The following INPP5F variants were observed in gnomAD, a reference collection of about 807,000 sequenced individuals.
The protein encoded by INPP5F is inositol polyphosphate-5-phosphatase F.
In INPP5F, 97 loss-of-function variants were observed where a neutral mutation model predicts 137.2. The observed-to-expected ratio is 0.71, with a 90% CI of 0.60 to 0.84. INPP5F has a LOEUF of 0.84. Among genes scored for constraint, INPP5F ranks in the 40% least tolerant of loss-of-function variants. INPP5F has a pLI of 0.00. For missense variants in INPP5F, 1,271 were observed against 1,371.9 expected (o/e 0.93, Z 1.16); for synonymous variants, 504 against 476.9 (o/e 1.06, Z -0.74).
rs1195495105 is a variant in INPP5F at position 119,826,728 on chromosome 10, TC to T, written c.2348del (p.Ser783PhefsTer2). The T allele has an allele frequency of 5.0e-6, 8 of 1,613,340 alleles. No homozygotes were observed. The highest frequency in any genetic ancestry group is 1.3e-5 in the African/African-American group (1 of 74,878). On this transcript the variant is annotated frameshift_variant, in exon 20 of 20. Coordinates refer to ENST00000650623, the MANE Select transcript of INPP5F (RefSeq NM_014937.4). LOFTEE classifies it high-confidence loss of function. ...GAATTTTTTAATGAGCAAATTTTCA[TC>T]TCTAAATCAAAAAGTGAAGCAGACC... ...GKNFLMSKFSSLNQKVKQTKS... is the reference protein window; with the variant it reads ...GKNFLMSKFSXLNQKVKQTKS...
At chr10:119,742,312 G>T in intron 1 of INPP5F, among the ~76,000 whole-genome samples, 1 of 151,992 alleles carries the variant, frequency 6.6e-6, no homozygotes, top group Middle Eastern at 3.2e-3. Context: ...TCGCCACCAT[G>T]CCTGGTTAAT....
At chr10:119,746,236 G>C (rs950710986) in intron 1 of INPP5F, among the ~76,000 whole-genome samples, 3 of 152,170 alleles carry the variant, frequency 2.0e-5, no homozygotes, top group Non-Finnish European at 4.4e-5. Context: ...TTTGTCTGCT[G>C]TATTATTTTT....
intron 12 of INPP5F, among the ~76,000 whole-genome samples, chr10:119,806,719 A>T (rs886810002): frequency 2.6e-5 from 4 of 151,926 alleles, no homozygotes; most frequent in Non-Finnish European, 5.9e-5. Context: ...TTTAAAGTCC[A>T]TTGGGTGGCA....
intron 2 of INPP5F, among the ~76,000 whole-genome samples, chr10:119,774,224 TGTACTCCA>T (rs1849448387): frequency 3.6e-5 from 5 of 137,178 alleles, no homozygotes; most frequent in African/African-American, 1.4e-4. Flanking sequence ...ATCACGCCAC[TGTACTCCA>T]GCCTGGCGAC....
intron 1 of INPP5F, among the ~76,000 whole-genome samples, chr10:119,733,073 CA>C (rs1848129170): frequency 1.3e-5 from 2 of 152,202 alleles, no homozygotes; most frequent in Admixed American, 6.5e-5. Context: ...TTCTTGACTA[CA>C]AAGTGATAGG....
In INPP5F at chr10:119,748,035, C is replaced by T. The variant is rs564811473; in HGVS notation, c.98-3041C>T. On this transcript the variant is annotated intron_variant, in intron 1 of 19. Coordinates refer to ENST00000650623, the MANE Select transcript of INPP5F (RefSeq NM_014937.4). This position sits in a 1 kb window ranked among gnomAD's most constrained non-coding sequence, Gnocchi z 4.7. Reference sequence around the variant, plus strand: ...CTGGGCTTTTTCCACTGTCTTGGCTCGGCAAGCTGTGCTGGGCTTGCACTA... The same window carrying T: ...CTGGGCTTTTTCCACTGTCTTGGCTTGGCAAGCTGTGCTGGGCTTGCACTA... 2.6e-4 allele frequency among the ~76,000 whole-genome samples: 39 copies of T among 152,312 alleles called. No individual in the cohort carries two copies. The highest frequency in any genetic ancestry group is 8.2e-4 in the African/African-American group (34 of 41,562).
In INPP5F at chr10:119,748,945, A is replaced by G. The variant is rs1848616370; in HGVS notation, c.98-2131A>G. The stretch of plus-strand genomic sequence containing the variant: ...TGGGCTGAGGGGTGCCTGCAGGCCC[A>G]CTTGGAGCTGCCCTCACCCCTGCTG... On this transcript the variant is annotated intron_variant, in intron 1 of 19. Transcript: ENST00000650623. The surrounding 1 kb of genome is among the most constrained non-coding windows in gnomAD (Gnocchi z 4.7). Among the ~76,000 whole-genome samples, 1 of 152,114 alleles carries G rather than the reference A, an allele frequency of 6.6e-6. No individual in the cohort carries two copies. Among genetic ancestry groups the G allele is most frequent in the Non-Finnish European group, 1.5e-5 (1 of 67,988 alleles).
At chr10:119,781,846 G>T in intron 3 of INPP5F, 75 bp downstream of exon 3, 2 of 1,212,874 alleles carry the variant, frequency 1.6e-6, no homozygotes, top group South Asian at 1.7e-5. Flanking sequence ...TGGTTCAGTA[G>T]ACCAGAAACT....
chr10:119,806,934 C>T (rs1245275812), intron 12 of INPP5F, among the ~76,000 whole-genome samples: 1 of 151,630 alleles, frequency 6.6e-6, no homozygotes, highest in Non-Finnish European at 1.5e-5. Context: ...TCATGGGCTT[C>T]CTTGAGTGCC....
intron 2 of INPP5F, among the ~76,000 whole-genome samples, chr10:119,767,689 G>T (rs1001281516): frequency 6.6e-6 from 1 of 152,192 alleles, no homozygotes; most frequent in Non-Finnish European, 1.5e-5. Context: ...ATGCCTTAGA[G>T]ATATGAATAC....
rs368526137 is a variant in INPP5F, at chr10:119,754,933, T to C, written c.178+3777T>C. The stretch of plus-strand genomic sequence containing the variant: ...CATTTTCCCCAGGAACATCTTATCT[T>C]TGGAGGATAGGGGATGAGGGGAATA... On this transcript the variant is annotated intron_variant, in intron 2 of 19. Transcript: ENST00000650623. Among the ~76,000 whole-genome samples the C allele has an allele frequency of 2.3e-3, 356 of 152,320 alleles. 15 individuals carry two copies. The South Asian group carries it at 0.071, about 30-fold the overall frequency.
chr10:119,826,607 CTT>C, intron 19 of INPP5F, 22 bp from the exon 20 acceptor site: 2 of 1,531,860 alleles, frequency 1.3e-6, no homozygotes, highest in Non-Finnish European at 1.8e-6. Context: ...GGGGAATTAA[CTT>C]TTTTTCTCTT....
At position 119,821,702 on chromosome 10, in the gene INPP5F, C is replaced by T. The variant is rs188197728; in HGVS notation, c.1959-729C>T. Reference sequence around the variant, plus strand: ...GTTTCTCTTTCTGTCTTTCTCCCTCCTCTCTCTCTCTCCCTCCCTTCATCT... The same window carrying T: ...GTTTCTCTTTCTGTCTTTCTCCCTCTTCTCTCTCTCTCCCTCCCTTCATCT... On this transcript the variant is annotated intron_variant, in intron 16 of 19. Coordinates refer to ENST00000650623, the MANE Select transcript of INPP5F (RefSeq NM_014937.4). Among the ~76,000 whole-genome samples, 291 of 149,020 alleles carry T rather than the reference C, an allele frequency of 2.0e-3. 1 individual carries two copies. Among genetic ancestry groups the T allele is most frequent in the African/African-American group, 7.0e-3 (279 of 39,772 alleles).
At position 119,827,514 on chromosome 10, in the gene INPP5F, A is replaced by G; in HGVS notation, c.3133A>G (p.Ser1045Gly). Residue 1045 changes from serine to glycine, a missense_variant, in exon 20 of 20, where the codon AGC becomes GGC. This residue lies in a region of INPP5F where 490 missense variants were observed against 443.7 expected (regional missense o/e 1.10). Transcript: ENST00000650623. ...ASQKTPTSAS[S>G]MLELETGLHV... Reference sequence around the variant, plus strand: ...TCAAAAAACCCCCACCTCCGCTTCCAGCATGCTTGAACTTGAGACAGGGCT... The same window carrying G: ...TCAAAAAACCCCCACCTCCGCTTCCGGCATGCTTGAACTTGAGACAGGGCT... The G allele has an allele frequency of 6.2e-7, 1 of 1,614,164 alleles. No individual in the cohort carries two copies. The highest frequency in any genetic ancestry group is 8.5e-7 in the Non-Finnish European group (1 of 1,180,006).
chr10:119,726,221 G>T lies in INPP5F; in HGVS notation c.-42G>T. On this transcript the variant is annotated 5_prime_UTR_variant, in exon 1 of 20. Transcript: ENST00000650623. ...CTCGACCGACTAGGACGCCCCGTGC[G>T]CCGCCCGCGGGCCGCCGCCTCCCTG... is the stretch of plus-strand genomic sequence containing the variant. 1 of 1,337,150 alleles carries T rather than the reference G, an allele frequency of 7.5e-7. No individual in the cohort carries two copies. Among genetic ancestry groups the T allele is most frequent in the Non-Finnish European group, 9.8e-7 (1 of 1,018,602 alleles). 82.8% of individuals were successfully genotyped at this position (1,337,150 alleles called of 1,614,324 possible).
chr10:119,777,609 C>A (rs1849568686), intron 2 of INPP5F, among the ~76,000 whole-genome samples: 1 of 152,116 alleles, frequency 6.6e-6, no homozygotes, highest in Non-Finnish European at 1.5e-5. Flanking sequence ...TCTTTTTATT[C>A]AACAAAATTT....
At chr10:119,764,352 C>G (rs1849092356) in intron 2 of INPP5F, among the ~76,000 whole-genome samples, 1 of 152,088 alleles carries the variant, frequency 6.6e-6, no homozygotes, top group Non-Finnish European at 1.5e-5. Flanking sequence ...TGCACACACA[C>G]ACACACACAA....
rs750443356 is a variant in INPP5F, at chr10:119,820,826, C to T, written c.1887-20C>T. On this transcript the variant is annotated intron_variant, in intron 15 of 19. Coordinates refer to ENST00000650623, the MANE Select transcript of INPP5F (RefSeq NM_014937.4). ...AGATGGAAATGAAAATACTTAATCT[C>T]CTGTGTCATATTTGTTTAGCCTCAT... 2 of 1,570,942 alleles carry T rather than the reference C, an allele frequency of 1.3e-6. No homozygotes were observed. The highest frequency in any genetic ancestry group is 2.2e-5 in the East Asian group (1 of 44,642).
In INPP5F at chr10:119,781,654, T is replaced by G. The variant is rs747737071; in HGVS notation, c.198T>G (p.Ile66Met). 1 of 1,611,218 alleles carries G rather than the reference T, an allele frequency of 6.2e-7. No homozygotes were observed. Among genetic ancestry groups the G allele is most frequent in the Non-Finnish European group, 8.5e-7 (1 of 1,178,214 alleles). ...QLHSDLPWWL[I>M]LIRQKALVGK... ...TTTCAGATCTTCCATGGTGGCTTAT[T>G]CTAATTCGGCAGAAAGCATTGGTGG... is the stretch of plus-strand genomic sequence containing the variant. Residue 66 changes from isoleucine to methionine, a missense_variant, in exon 3 of 20, where the codon ATT (isoleucine) becomes ATG (methionine). Ile to Met is a conservative substitution (Grantham distance 10). Coordinates refer to ENST00000650623, the MANE Select transcript of INPP5F (RefSeq NM_014937.4).
Sources: gnomAD v4.1 joint callset for allele counts (sites outside exome capture counted in the v4.1 genomes callset) on GRCh38, gnomAD v4.1.1 for gene constraint, gnomAD v4.1.1 regional missense constraint, Gnocchi (gnomAD v3.1) non-coding constraint, MANE v1.5 for transcripts, NCBI Gene and HGNC (gene_info 2026-07-23, HGNC 2026-07-21) for gene names.